SYN3: variants seen among roughly 807,000 people sequenced by gnomAD.
SYN3 encodes synapsin III.
In SYN3, 35 loss-of-function variants were observed where a neutral mutation model predicts 65.8. The observed-to-expected ratio is 0.53, with a 90% CI of 0.41 to 0.70. The LOEUF (loss-of-function observed/expected upper bound fraction) is 0.70, where lower values mean the gene tolerates loss of function less well. SYN3 is among the 30% of genes least tolerant of loss of function. SYN3 has a pLI of 0.00. For synonymous variants in SYN3, 270 were observed against 292.9 expected (o/e 0.92, Z 0.80); for missense variants, 680 against 749.0 (o/e 0.91, Z 1.08).
At chr22:32,925,879 T>TTG (rs1193674102) in intron 4 of SYN3, among the ~76,000 whole-genome samples, 1 of 150,754 alleles carries the variant, frequency 6.6e-6, no homozygotes, top group African/African-American at 2.4e-5. Context: ...TTTTTTTTTT[T>TTG]TTTGTGGCAG....
In SYN3 at chr22:32,513,838, G is replaced by C. The variant is rs375381086; in HGVS notation, c.1611-14C>G. On this transcript the variant is annotated splice_polypyrimidine_tract_variant and intron_variant, in intron 13 of 13. Transcript: ENST00000358763. ...GACTGAGATTTGCTGAAACAGAAAGGCAAGGGGGTTGAGGAAGACAAGGCG... is the reference window on the plus strand; with the variant it reads ...GACTGAGATTTGCTGAAACAGAAAGCCAAGGGGGTTGAGGAAGACAAGGCG... 2.5e-6 allele frequency: 4 copies of C among 1,613,924 alleles called. No individual in the cohort carries two copies. Among genetic ancestry groups the C allele is most frequent in the Admixed American group, 1.7e-5 (1 of 60,004 alleles).
chr22:32,820,393 G>C (rs1037051697), intron 6 of SYN3, among the ~76,000 whole-genome samples: 3 of 150,740 alleles, frequency 2.0e-5, no homozygotes, highest in African/African-American at 7.3e-5. Context: ...GTTCTACTCC[G>C]TGTGTGTGTC....
chr22:32,553,083 T>C (rs1030878371), intron 7 of SYN3, among the ~76,000 whole-genome samples: 1 of 152,136 alleles, frequency 6.6e-6, no homozygotes. Context: ...TCTCTTCTTA[T>C]AAGGACCCTC....
At chr22:32,515,800 G>C (rs1420767184) in intron 13 of SYN3, among the ~76,000 whole-genome samples, 1 of 151,902 alleles carries the variant, frequency 6.6e-6, no homozygotes, top group African/African-American at 2.4e-5. Context: ...CGGTGCTCCA[G>C]GATTTTTTTT....
chr22:33,004,607 G>A (rs1015012227), intron 2 of SYN3, among the ~76,000 whole-genome samples: 9 of 152,184 alleles, frequency 5.9e-5, no homozygotes, highest in African/African-American at 2.2e-4. Context: ...CCTTTGATTT[G>A]GCCAATTTCT....
At chr22:32,632,522 C>T (rs982165910) in intron 6 of SYN3, among the ~76,000 whole-genome samples, 2 of 152,286 alleles carry the variant, frequency 1.3e-5, no homozygotes, top group East Asian at 1.9e-4. Context: ...CCCTTTGGGG[C>T]CTTCGATCTT....
chr22:33,039,271 T>C (rs1257507066), intron 1 of SYN3, among the ~76,000 whole-genome samples: 3 of 152,184 alleles, frequency 2.0e-5, no homozygotes, highest in Admixed American at 2.0e-4. Flanking sequence ...CTAAAGTCCA[T>C]GCTCAAAGCT....
At chr22:32,633,648 A>T (rs1261851247) in intron 6 of SYN3, among the ~76,000 whole-genome samples, 1 of 152,096 alleles carries the variant, frequency 6.6e-6, no homozygotes, top group Admixed American at 6.6e-5. Context: ...TTTGAGACAG[A>T]GTCTTGCTTT....
rs139001628 is a variant in SYN3, at chr22:32,935,566, T to C, written c.370-4085A>G. Among the ~76,000 whole-genome samples the C allele has an allele frequency of 5.0e-3, 748 of 150,978 alleles. 1 individual carries two copies. The highest frequency in any genetic ancestry group is 8.7e-3 in the Non-Finnish European group (588 of 67,826). On this transcript the variant is annotated intron_variant, in intron 3 of 13. Transcript: ENST00000358763. ...CCCAGGTTCAAGCAATTCTCCTGCC[T>C]CAGCCTCCTAAGCAGCTGAGATCAC...
chr22:32,986,288 G>T (rs972392529), intron 2 of SYN3, among the ~76,000 whole-genome samples: 1 of 152,080 alleles, frequency 6.6e-6, no homozygotes, highest in Non-Finnish European at 1.5e-5. Flanking sequence ...GCCAACCTTC[G>T]CAACTGGCAT....
rs577241253 is a variant in SYN3 at position 32,748,413 on chromosome 22, T to C, written c.711+116502A>G. ...CAGGTTCCTCATCAATAAAACAAGG[T>C]TGACAACAACTGCCTTAGAGAAAAT... is the stretch of plus-strand genomic sequence containing the variant. On this transcript the variant is annotated intron_variant, in intron 6 of 13. Transcript: ENST00000358763. 1.8e-4 allele frequency among the ~76,000 whole-genome samples: 28 copies of C among 152,252 alleles called. No homozygotes were observed. In the East Asian group the frequency reaches 5.2e-3, roughly 28 times the overall value.
At chr22:32,923,623 AGAC>A (rs1391318652) in intron 4 of SYN3, among the ~76,000 whole-genome samples, 2 of 152,238 alleles carry the variant, frequency 1.3e-5, no homozygotes, top group Non-Finnish European at 2.9e-5. Flanking sequence ...CTATTTTGGG[AGAC>A]CATAGCTAGG....
At chr22:32,863,339 G>A (rs1408820824) in intron 6 of SYN3, among the ~76,000 whole-genome samples, 1 of 152,252 alleles carries the variant, frequency 6.6e-6, no homozygotes, top group African/African-American at 2.4e-5. Flanking sequence ...AGTACCCCCA[G>A]ACTGGAGTCC....
In SYN3 at chr22:32,885,592, G is replaced by A. The variant is rs574118723; in HGVS notation, c.462-16467C>T. Reference sequence around the variant, plus strand: ...CTTTTTTTTTTTGAGATAGAGTCTCGCTCTGTTGCCCAGGCTGGAATGCAG... The same window carrying A: ...CTTTTTTTTTTTGAGATAGAGTCTCACTCTGTTGCCCAGGCTGGAATGCAG... On this transcript the variant is annotated intron_variant, in intron 4 of 13. Coordinates refer to ENST00000358763, the MANE Select transcript of SYN3 (RefSeq NM_003490.4). 7.3e-5 allele frequency among the ~76,000 whole-genome samples: 11 copies of A among 151,150 alleles called. No homozygotes were observed. In the East Asian group the frequency reaches 1.6e-3, roughly 21 times the overall value.
At chr22:32,582,798 T>C (rs577187942) in intron 7 of SYN3, among the ~76,000 whole-genome samples, 3 of 152,302 alleles carry the variant, frequency 2.0e-5, no homozygotes, top group South Asian at 2.1e-4. Flanking sequence ...TCAGGGCCCA[T>C]TGCCCAGATC....
chr22:32,763,767 T>C (rs890423579), intron 6 of SYN3, among the ~76,000 whole-genome samples: 3 of 151,732 alleles, frequency 2.0e-5, no homozygotes, highest in African/African-American at 7.3e-5. Flanking sequence ...CTTCCCCAGG[T>C]GAGGAAAGGC....
intron 6 of SYN3, among the ~76,000 whole-genome samples, chr22:32,766,788 G>C (rs1326201227): frequency 2.0e-5 from 3 of 152,174 alleles, no homozygotes; most frequent in Non-Finnish European, 2.9e-5. Context: ...GTACCCTTCA[G>C]AATAAACCTT....
At chr22:32,985,522 T>C (rs1300344592) in intron 2 of SYN3, among the ~76,000 whole-genome samples, 1 of 152,134 alleles carries the variant, frequency 6.6e-6, no homozygotes, top group African/African-American at 2.4e-5. Context: ...TGAGGGGTGG[T>C]AGGGCAGGGA....
At chr22:32,671,566 C>T (rs1287666357) in intron 6 of SYN3, among the ~76,000 whole-genome samples, 1 of 135,404 alleles carries the variant, frequency 7.4e-6, no homozygotes, top group African/African-American at 2.5e-5. Context: ...CACACACATG[C>T]TCTCAAACAA....
Sources: gnomAD v4.1 joint callset for allele counts (sites outside exome capture counted in the v4.1 genomes callset) on GRCh38, gnomAD v4.1.1 for gene constraint, MANE v1.5 for transcripts, NCBI Gene and HGNC (gene_info 2026-07-23, HGNC 2026-07-21) for gene names.